Variants in CRHR1 observed in about 807,000 individuals in gnomAD.
The protein encoded by CRHR1 is corticotropin releasing hormone receptor 1, also known as corticotropin-releasing hormone receptor 1.
In CRHR1, 28 loss-of-function variants were observed where a neutral mutation model predicts 56.0. That is an observed-to-expected ratio of 0.50 (90% CI 0.37 to 0.69). The LOEUF is 0.69. Ranked by LOEUF, CRHR1 falls within the 30% of genes least tolerant of loss-of-function variation. The pLI is 0.00. For synonymous variants in CRHR1, 195 were observed against 216.5 expected (o/e 0.90, Z 0.87); for missense variants, 376 against 548.0 (o/e 0.69, Z 3.13).
intron 2 of CRHR1, among the ~76,000 whole-genome samples, chr17:45,811,617 C>T (rs1418660772): frequency 6.6e-6 from 1 of 152,216 alleles, no homozygotes; most frequent in Admixed American, 6.5e-5. Context: ...GAGTGAGCCA[C>T]AGAGTGATAG....
intron 3 of CRHR1, among the ~76,000 whole-genome samples, chr17:45,820,934 G>T (rs779850603): frequency 5.3e-5 from 8 of 152,218 alleles, no homozygotes; most frequent in Non-Finnish European, 1.0e-4. Context: ...GTCATGCCCA[G>T]CCTCGTGAAA....
intron 4 of CRHR1, among the ~76,000 whole-genome samples, chr17:45,823,004 C>A (rs775551176): frequency 4.0e-5 from 6 of 148,872 alleles, no homozygotes; most frequent in Non-Finnish European, 7.4e-5. Flanking sequence ...ATTAGCCGAG[C>A]ATGGTGGCGC....
At chr17:45,808,030 G>A (rs1238465675) in intron 2 of CRHR1, among the ~76,000 whole-genome samples, 1 of 152,130 alleles carries the variant, frequency 6.6e-6, no homozygotes, top group Non-Finnish European at 1.5e-5. Flanking sequence ...AGTGTCTTTG[G>A]AAGGCTTGTG....
intron 1 of CRHR1, among the ~76,000 whole-genome samples, chr17:45,791,426 G>GGAA (rs1169321346): frequency 2.6e-5 from 4 of 152,146 alleles, no homozygotes; most frequent in Non-Finnish European, 5.9e-5. Context: ...TCACTCTTAC[G>GGAA]GAAGATGCGG....
chr17:45,784,567 G>T lies in CRHR1; in HGVS notation c.23G>T (p.Arg8Leu), dbSNP rs2061294635. The T allele has an allele frequency of 1.3e-6, 2 of 1,553,496 alleles. No homozygotes were observed. Among genetic ancestry groups the T allele is most frequent in the Non-Finnish European group, 8.7e-7 (1 of 1,149,968 alleles). The change falls in exon 1 of 13, where the codon CGT becomes CTT. Residue 8 changes from arginine to leucine, a missense_variant. By Grantham distance (102) the Arg-to-Leu change is moderately radical. Around this residue, in one of 2 missense-constraint regions of CRHR1, gnomAD observed 369 missense variants for 519.5 expected, o/e 0.71. Transcript: ENST00000314537. This position sits in a 1 kb window ranked among gnomAD's most constrained non-coding sequence, Gnocchi z 4.2. ...AGGATGGGAGGGCACCCGCAGCTCC[G>T]TCTCGTCAAGGTAACAGCCCGCCGG... Reference protein sequence around the residue: MGGHPQLRLVKALLLLGL... With the variant: MGGHPQLLLVKALLLLGL...
Position 45,835,124 on chromosome 17 carries a change from C to A in CRHR1, c.*360C>A. The A allele has an allele frequency of 3.8e-6, 1 of 262,672 alleles. No homozygotes were observed. Among genetic ancestry groups the A allele is most frequent in the Non-Finnish European group, 7.2e-6 (1 of 138,636 alleles). The allele number at this position is 262,672 out of a possible 1,614,324, so 16.3% of individuals were successfully genotyped here. On this transcript the variant is annotated 3_prime_UTR_variant, in exon 13 of 13. Coordinates refer to ENST00000314537, the MANE Select transcript of CRHR1 (RefSeq NM_004382.5). ...AGCACAAGAAGGCCAGCCCACTGGGCCCTGGGGCTGCCCTCGGCAACCGTG... is the reference window on the plus strand; with the variant it reads ...AGCACAAGAAGGCCAGCCCACTGGGACCTGGGGCTGCCCTCGGCAACCGTG...
At chr17:45,816,985 T>A (rs918636337) in intron 3 of CRHR1, among the ~76,000 whole-genome samples, 1 of 152,134 alleles carries the variant, frequency 6.6e-6, no homozygotes, top group African/African-American at 2.4e-5. Flanking sequence ...GAGCCCCAGC[T>A]GTGTGGATAA....
At position 45,825,228 on chromosome 17, in the gene CRHR1, G is replaced by C. The variant is rs376788267; in HGVS notation, c.327+3788G>C. 3.9e-4 allele frequency among the ~76,000 whole-genome samples: 59 copies of C among 152,298 alleles called. 1 individual carries two copies. The highest frequency in any genetic ancestry group is 2.3e-3 in the South Asian group (11 of 4,830). On this transcript the variant is annotated intron_variant, in intron 4 of 12. Transcript: ENST00000314537. Reference sequence around the variant, plus strand: ...ATGGGACTTGCAAGGGCACCTCAAGGCCAGGCACCCCAGGAGATCTGCCCG... The same window carrying C: ...ATGGGACTTGCAAGGGCACCTCAAGCCCAGGCACCCCAGGAGATCTGCCCG...
intron 1 of CRHR1, among the ~76,000 whole-genome samples, chr17:45,786,318 A>G (rs915075077): frequency 2.6e-5 from 4 of 152,144 alleles, no homozygotes; most frequent in Non-Finnish European, 4.4e-5. Context: ...TAGGCATTCA[A>G]TAAATTCCAG....
intron 3 of CRHR1, 49 bp downstream of exon 3, chr17:45,816,631 T>TG (rs752343666): frequency 5.6e-6 from 9 of 1,610,906 alleles, no homozygotes; most frequent in Non-Finnish European, 7.6e-6. Context: ...TGGGACAGGA[T>TG]GGGGAGAGCT....
At position 45,830,948 on chromosome 17, in the gene CRHR1, A is replaced by T; in HGVS notation, c.770+8A>T. 1 of 1,613,590 alleles carries T rather than the reference A, an allele frequency of 6.2e-7. No homozygotes were observed. The highest frequency in any genetic ancestry group is 8.5e-7 in the Non-Finnish European group (1 of 1,179,696). On this transcript the variant is annotated splice_region_variant and intron_variant, in intron 8 of 12. Transcript: ENST00000314537. ...GTACTACGACAATGAGAAGTAAGTCATCTCCTTTCCCTTCCTGACCCCAAG... is the reference window on the plus strand; with the variant it reads ...GTACTACGACAATGAGAAGTAAGTCTTCTCCTTTCCCTTCCTGACCCCAAG...
intron 4 of CRHR1, among the ~76,000 whole-genome samples, chr17:45,827,380 A>G (rs1266639090): frequency 1.3e-5 from 2 of 152,206 alleles, no homozygotes; most frequent in African/African-American, 4.8e-5. Flanking sequence ...GGCTCCACAC[A>G]TGTTGTCATT....
chr17:45,785,497 G>A (rs1279913881), intron 1 of CRHR1, among the ~76,000 whole-genome samples: 4 of 152,198 alleles, frequency 2.6e-5, no homozygotes, highest in African/African-American at 9.6e-5. Flanking sequence ...CGCTGCTGCC[G>A]GGACACCCCG....
intron 1 of CRHR1, among the ~76,000 whole-genome samples, chr17:45,791,886 G>A (rs948134632): frequency 1.8e-4 from 20 of 109,242 alleles, no homozygotes; most frequent in South Asian, 3.7e-4. Flanking sequence ...ACACACACAC[G>A]CTGGTACCCT....
intron 7 of CRHR1, 149 bp from the exon 8 acceptor site, chr17:45,830,731 C>T (rs1480187377): frequency 1.9e-5 from 22 of 1,170,634 alleles, no homozygotes; most frequent in Non-Finnish European, 2.5e-5. Context: ...GGGTGGGCGG[C>T]AGTAGAAGCA....
intron 2 of CRHR1, among the ~76,000 whole-genome samples, chr17:45,809,541 C>T (rs1224287975): frequency 6.6e-6 from 1 of 152,250 alleles, no homozygotes; most frequent in Non-Finnish European, 1.5e-5. Context: ...TGTGCCCGTG[C>T]CCCCAGCCCA....
At chr17:45,802,394 T>C (rs147819080) in intron 1 of CRHR1, among the ~76,000 whole-genome samples, 1 of 152,342 alleles carries the variant, frequency 6.6e-6, no homozygotes, top group East Asian at 1.9e-4. Flanking sequence ...TTTGGGGGCC[T>C]GTTCCTGCCA....
chr17:45,790,762 C>T (rs574645957), intron 1 of CRHR1, among the ~76,000 whole-genome samples: 2 of 152,222 alleles, frequency 1.3e-5, no homozygotes, highest in East Asian at 3.9e-4. Context: ...CCAGTCACTT[C>T]GTGGCTGCAG....
chr17:45,833,882 T>C (rs773485494), intron 11 of CRHR1, 33 bp downstream of exon 11: 15 of 1,612,314 alleles, frequency 9.3e-6, no homozygotes, highest in Non-Finnish European at 1.2e-5. Flanking sequence ...CAGCACCTCC[T>C]TGGGTGGGGA....
Sources: allele counts gnomAD v4.1 joint callset (sites outside exome capture counted in the v4.1 genomes callset), GRCh38; gene constraint gnomAD v4.1.1; regional missense constraint gnomAD v4.1.1; non-coding constraint Gnocchi (gnomAD v3.1); transcripts MANE v1.5; gene names NCBI Gene and HGNC (gene_info 2026-07-23, HGNC 2026-07-21).